Variants in NKAIN3 observed in about 807,000 individuals in gnomAD.
NKAIN3 encodes sodium/potassium transporting ATPase interacting 3.
Under a neutral mutation model 30.2 loss-of-function variants are expected in NKAIN3, and 25 were observed. That is an observed-to-expected ratio of 0.83 (90% CI 0.60 to 1.16). The LOEUF is 1.16. Among genes scored for constraint, NKAIN3 ranks in the 50% most tolerant of loss-of-function variants. The pLI is 0.00. For synonymous variants in NKAIN3, 91 were observed against 89.6 expected (o/e 1.02, Z -0.09); for missense variants, 225 against 254.1 (o/e 0.89, Z 0.78).
chr8:62,899,599 G>A (rs577847949), intron 4 of NKAIN3, among the ~76,000 whole-genome samples: 1 of 152,274 alleles, frequency 6.6e-6, no homozygotes, highest in Non-Finnish European at 1.5e-5. Flanking sequence ...GGTAGCGGGA[G>A]GGGTTAGAGG....
At chr8:62,955,991 T>C (rs892684508) in intron 6 of NKAIN3, among the ~76,000 whole-genome samples, 1 of 152,224 alleles carries the variant, frequency 6.6e-6, no homozygotes, top group Non-Finnish European at 1.5e-5. Flanking sequence ...CAGATGAATA[T>C]GGAATGCCTT....
intron 1 of NKAIN3, among the ~76,000 whole-genome samples, chr8:62,283,046 G>A (rs1585631062): frequency 6.6e-6 from 1 of 152,182 alleles, no homozygotes; most frequent in Non-Finnish European, 1.5e-5. Context: ...GCACCACACC[G>A]TATTATTTAC....
At chr8:62,852,306 T>C (rs994281264) in intron 4 of NKAIN3, among the ~76,000 whole-genome samples, 5 of 152,134 alleles carry the variant, frequency 3.3e-5, no homozygotes, top group Non-Finnish European at 7.4e-5. Context: ...TGATATCCCC[T>C]TTATCGTTTT....
chr8:62,617,839 G>T (rs1393771559), intron 3 of NKAIN3, among the ~76,000 whole-genome samples: 3 of 152,186 alleles, frequency 2.0e-5, no homozygotes, highest in Non-Finnish European at 4.4e-5. Flanking sequence ...TCCCCCAGGA[G>T]AAGTGTTCTG....
chr8:62,426,801 G>C (rs372723949), intron 1 of NKAIN3, among the ~76,000 whole-genome samples: 1 of 151,942 alleles, frequency 6.6e-6, no homozygotes, highest in Non-Finnish European at 1.5e-5. Context: ...CGTTTGTTGA[G>C]TTGTTTTATT....
chr8:62,868,611 A>C (rs1820497800), intron 4 of NKAIN3, among the ~76,000 whole-genome samples: 1 of 152,032 alleles, frequency 6.6e-6, no homozygotes, highest in African/African-American at 2.4e-5. Flanking sequence ...GTGCTTTGGG[A>C]CCCTGTTGTG....
intron 4 of NKAIN3, among the ~76,000 whole-genome samples, chr8:62,814,473 A>G (rs1818609463): frequency 6.6e-6 from 1 of 152,038 alleles, no homozygotes; most frequent in Admixed American, 6.6e-5. Flanking sequence ...TCGACCACAT[A>G]GTTGGAAGTA....
chr8:62,305,590 GCTAT>G (rs1814205592), intron 1 of NKAIN3, among the ~76,000 whole-genome samples: 1 of 150,470 alleles, frequency 6.6e-6, no homozygotes, highest in Non-Finnish European at 1.5e-5. Flanking sequence ...AATTATGGAA[GCTAT>G]CTATACTCTT....
chr8:62,450,140 A>G (rs1439636416), intron 1 of NKAIN3, among the ~76,000 whole-genome samples: 1 of 152,216 alleles, frequency 6.6e-6, no homozygotes, highest in Non-Finnish European at 1.5e-5. Flanking sequence ...TATCAAAATT[A>G]TGTGAGAATG....
chr8:62,787,866 T>C (rs1393793975), intron 4 of NKAIN3, among the ~76,000 whole-genome samples: 1 of 152,130 alleles, frequency 6.6e-6, no homozygotes, highest in Non-Finnish European at 1.5e-5. Flanking sequence ...AACTCATCAT[T>C]TTTTATGGCT....
intron 1 of NKAIN3, among the ~76,000 whole-genome samples, chr8:62,557,729 T>A (rs941366836): frequency 6.6e-6 from 1 of 152,080 alleles, no homozygotes; most frequent in African/African-American, 2.4e-5. Flanking sequence ...CTATTCATGT[T>A]CTTAGCCTGC....
At chr8:62,911,917 T>C (rs1471535522) in intron 4 of NKAIN3, among the ~76,000 whole-genome samples, 1 of 152,174 alleles carries the variant, frequency 6.6e-6, no homozygotes, top group Non-Finnish European at 1.5e-5. Flanking sequence ...TGTAACAATA[T>C]CTGACTTATA....
At chr8:62,427,309 C>T (rs571904280) in intron 1 of NKAIN3, among the ~76,000 whole-genome samples, 14 of 152,042 alleles carry the variant, frequency 9.2e-5, no homozygotes, top group African/African-American at 3.4e-4. Flanking sequence ...GTTTATGAGG[C>T]CTTGCTATTC....
intron 1 of NKAIN3, among the ~76,000 whole-genome samples, chr8:62,500,587 C>T (rs935783182): frequency 4.6e-5 from 7 of 151,498 alleles, no homozygotes; most frequent in South Asian, 4.2e-4. Flanking sequence ...ATGTGTGGGC[C>T]GACTGAAAAG....
chr8:62,824,087 G>C (rs1818941902), intron 4 of NKAIN3, among the ~76,000 whole-genome samples: 2 of 152,240 alleles, frequency 1.3e-5, no homozygotes, highest in South Asian at 4.2e-4. Context: ...CTTCAAAATT[G>C]TTCACTTTGA....
chr8:62,898,226 A>AG (rs1586323079), intron 4 of NKAIN3, among the ~76,000 whole-genome samples: 3 of 94,948 alleles, frequency 3.2e-5, no homozygotes, highest in South Asian at 8.2e-4. Context: ...TGGGAATCAA[A>AG]GGAAAAAAAT....
intron 4 of NKAIN3, among the ~76,000 whole-genome samples, chr8:62,820,999 A>G (rs577104787): frequency 6.6e-6 from 1 of 152,292 alleles, no homozygotes; most frequent in Non-Finnish European, 1.5e-5. Context: ...ATTTTAATTA[A>G]TGCTGATTGC....
At position 62,567,277 on chromosome 8, in the gene NKAIN3, A is replaced by C. The variant is rs181618222; in HGVS notation, c.55-12262A>C. On this transcript the variant is annotated intron_variant, in intron 1 of 6. Coordinates refer to ENST00000623646, the MANE Select transcript of NKAIN3 (RefSeq NM_001304533.3). ...GTTGGAAGAAGAAAAAGAGAGACTC[A>C]AGATTCTTCTTAGACTGGTCAGGGC... Among the ~76,000 whole-genome samples, 958 of 152,174 alleles carry C rather than the reference A, an allele frequency of 6.3e-3. 7 individuals carry two copies. The highest frequency in any genetic ancestry group is 0.022 in the African/African-American group (902 of 41,514).
intron 1 of NKAIN3, among the ~76,000 whole-genome samples, chr8:62,389,284 A>C (rs1817518150): frequency 6.6e-6 from 1 of 152,238 alleles, no homozygotes; most frequent in Non-Finnish European, 1.5e-5. Flanking sequence ...TGATCAAATC[A>C]GGTTAATTAG....
Sources: gnomAD v4.1 joint callset for allele counts (sites outside exome capture counted in the v4.1 genomes callset) on GRCh38, gnomAD v4.1.1 for gene constraint, MANE v1.5 for transcripts, NCBI Gene and HGNC (gene_info 2026-07-23, HGNC 2026-07-21) for gene names.